POU2F2: variants seen among roughly 807,000 people sequenced by gnomAD.
The protein encoded by POU2F2 is POU domain, class 2, transcription factor 2.
In POU2F2, 14 loss-of-function variants were observed where a neutral mutation model predicts 63.5. That is an observed-to-expected ratio of 0.22 (90% CI 0.15 to 0.34). The LOEUF (loss-of-function observed/expected upper bound fraction) is 0.34, where lower values mean the gene tolerates loss of function less well. Ranked by LOEUF, POU2F2 falls within the 10% of genes least tolerant of loss-of-function variation. The pLI, the probability that POU2F2 is intolerant of heterozygous loss-of-function variation, is 1.00. For missense variants in POU2F2, 607 were observed against 815.2 expected (o/e 0.74, Z 3.11); for synonymous variants, 306 against 348.6 (o/e 0.88, Z 1.36).
At chr19:42,191,202 A>AC (rs749866434) in intron 1 of POU2F2, among the ~76,000 whole-genome samples, 19 of 151,202 alleles carry the variant, frequency 1.3e-4, no homozygotes, top group Middle Eastern at 3.2e-3. Context: ...GCATCATCGG[A>AC]CCCCCCCTTG....
chr19:42,185,360 T>G (rs906566320), intron 1 of POU2F2, among the ~76,000 whole-genome samples: 1 of 152,002 alleles, frequency 6.6e-6, no homozygotes, highest in Non-Finnish European at 1.5e-5. Flanking sequence ...GCTACTGGGG[T>G]AATGTTTCTA....
At chr19:42,194,758 CAAAAAAAAAAAA>C (rs71167389) in intron 1 of POU2F2, among the ~76,000 whole-genome samples, 6 of 21,732 alleles carry the variant, frequency 2.8e-4, no homozygotes, top group Non-Finnish European at 3.7e-4. Context: ...GACTCTGTCT[CAAAAAAAAAAAA>C]AAAAAAAAAA....
At chr19:42,181,884 C>T (rs905935498) in intron 1 of POU2F2, among the ~76,000 whole-genome samples, 2 of 152,206 alleles carry the variant, frequency 1.3e-5, no homozygotes, top group African/African-American at 4.8e-5. Flanking sequence ...ACACTCCCGG[C>T]CTTGAACATA....
At chr19:42,184,770 GCT>G (rs1341529870) in intron 1 of POU2F2, among the ~76,000 whole-genome samples, 1 of 152,132 alleles carries the variant, frequency 6.6e-6, no homozygotes, top group Non-Finnish European at 1.5e-5. Context: ...TGGTTCTCCA[GCT>G]CTGTCTGGGC....
At chr19:42,195,074 GA>G in intron 1 of POU2F2, among the ~76,000 whole-genome samples, 1 of 4,914 alleles carries the variant, frequency 2.0e-4, no homozygotes, top group Non-Finnish European at 3.7e-4. Flanking sequence ...AGGGAGGAAG[GA>G]AGGGAGGGAG....
chr19:42,096,268 G>A lies in POU2F2; in HGVS notation c.568-25C>T, dbSNP rs745656476. On this transcript the variant is annotated intron_variant, in intron 7 of 14. Transcript: ENST00000692977. The surrounding 1 kb of genome is among the most constrained non-coding windows in gnomAD (Gnocchi z 4.1). ...CCTGGTGGGGTGGGCAGGTGGGTGG[G>A]ATGCAGGGCGGAGGACCAGGATGGG... 25 of 1,516,792 alleles carry A rather than the reference G, an allele frequency of 1.6e-5. No individual in the cohort carries two copies. The highest frequency in any genetic ancestry group is 4.4e-6 in the Non-Finnish European group (5 of 1,129,380). The allele number at this position is 1,516,792 out of a possible 1,614,324, so 94.0% of individuals were successfully genotyped here.
At position 42,117,224 on chromosome 19, in the gene POU2F2, G is replaced by A. The variant is rs376587235; in HGVS notation, c.369+26C>T. On this transcript the variant is annotated intron_variant, in intron 5 of 14. Coordinates refer to ENST00000692977, the MANE Select transcript of POU2F2 (RefSeq NM_001394376.1). This position sits in a 1 kb window ranked among gnomAD's most constrained non-coding sequence, Gnocchi z 4.4. ...TGAGGGGTGGCTGGTTTGTCCCCTC[G>A]TCCCCATCCTTCCCCAAGTACTTAC... 1.9e-4 allele frequency: 269 copies of A among 1,453,248 alleles called. No individual in the cohort carries two copies. The highest frequency in any genetic ancestry group is 1.8e-3 in the Middle Eastern group (7 of 3,954). The allele number at this position is 1,453,248 out of a possible 1,614,324, so 90.0% of individuals were successfully genotyped here.
chr19:42,091,547 T>G lies in POU2F2; in HGVS notation c.1585A>C (p.Ser529Arg). 1 of 1,550,364 alleles carries G rather than the reference T, an allele frequency of 6.5e-7. No individual in the cohort carries two copies. The highest frequency in any genetic ancestry group is 1.2e-5 in the South Asian group (1 of 83,394). ...GCTGCCCCCAGCACCAGATTCCCGC[T>G]GCCATCAAGGCTGGTAAGGGGCAGG... ...GTLPLTSLDGSGNLVLGAAGA... is the reference protein window; with the variant it reads ...GTLPLTSLDGRGNLVLGAAGA... Residue 529 changes from serine to arginine, a missense_variant, in exon 15 of 15, where the codon AGC becomes CGC. Ser to Arg is a moderately radical substitution (Grantham distance 110). This residue lies in a region of POU2F2 where 270 missense variants were observed against 307.5 expected (regional missense o/e 0.88). Transcript: ENST00000692977.
rs1262671537 is a variant in POU2F2 at position 42,096,113 on chromosome 19, T to C, written c.698A>G (p.Lys233Arg). 2.5e-6 allele frequency: 4 copies of C among 1,613,830 alleles called. No individual in the cohort carries two copies. The highest frequency in any genetic ancestry group is 3.4e-6 in the Non-Finnish European group (4 of 1,179,856). The change falls in exon 8 of 15, where the codon AAG becomes AGG. Residue 233 changes from lysine (K) to arginine (R), a missense_variant. By Grantham distance (26) the Lys-to-Arg change is conservative. This residue lies in a region of POU2F2 where 25 missense variants were observed against 92.3 expected (regional missense o/e 0.27). Coordinates refer to ENST00000692977, the MANE Select transcript of POU2F2 (RefSeq NM_001394376.1). The surrounding 1 kb of genome is among the most constrained non-coding windows in gnomAD (Gnocchi z 4.1). ...GAAGCCCAGCTTGATGCGGCGTTGCTTGAAGGTGCGGGCGAATTGCTCCAG... is the reference window on the plus strand; with the variant it reads ...GAAGCCCAGCTTGATGCGGCGTTGCCTGAAGGTGCGGGCGAATTGCTCCAG... ...EELEQFARTF[K>R]QRRIKLGFTQ...
chr19:42,150,535 G>C (rs2034322061), intron 2 of POU2F2, among the ~76,000 whole-genome samples: 1 of 151,622 alleles, frequency 6.6e-6, no homozygotes, highest in Non-Finnish European at 1.5e-5. Context: ...CCAAGAAACT[G>C]GATCGATCGG....
Position 42,099,570 on chromosome 19 carries a change from C to G in POU2F2, c.524G>C (p.Gly175Ala). The G allele has an allele frequency of 6.2e-7, 1 of 1,614,056 alleles. No individual in the cohort carries two copies. Among genetic ancestry groups the G allele is most frequent in the Non-Finnish European group, 8.5e-7 (1 of 1,179,972 alleles). ...NLFQLPQQTQ[G>A]ALLTSQPRAG... is the part of the protein sequence containing the mutation. ...CCGGGGCTGGGAGGTCAGAAGAGCT[C>G]CCTGGGTTTGCTGAGGTAGCTGGAA... Residue 175 changes from glycine (G) to alanine (A), a missense_variant, in exon 7 of 15, where the codon GGA becomes GCA. Transcript: ENST00000692977.
At chr19:42,193,695 A>G (rs1410624738) in intron 1 of POU2F2, among the ~76,000 whole-genome samples, 1 of 152,270 alleles carries the variant, frequency 6.6e-6, no homozygotes. Context: ...AGCAGTTACA[A>G]GAAACAGTAT....
chr19:42,129,408 A>G (rs2033495400), intron 1 of POU2F2, among the ~76,000 whole-genome samples: 1 of 151,916 alleles, frequency 6.6e-6, no homozygotes, highest in Non-Finnish European at 1.5e-5. Context: ...CACTTGCCCG[A>G]CTGCCCCAGG....
chr19:42,120,367 C>T (rs963962775), intron 4 of POU2F2, among the ~76,000 whole-genome samples: 4 of 152,036 alleles, frequency 2.6e-5, no homozygotes, highest in Non-Finnish European at 4.4e-5. Flanking sequence ...ATTACAGGCA[C>T]TCACCACCAT....
intron 2 of POU2F2, among the ~76,000 whole-genome samples, chr19:42,142,559 ATTTGTT>A (rs1044621207): frequency 1.9e-4 from 28 of 145,538 alleles, no homozygotes; most frequent in African/African-American, 4.9e-4. Flanking sequence ...GGGGTTTTTT[ATTTGTT>A]TTTGTTTTTG....
intron 1 of POU2F2, among the ~76,000 whole-genome samples, chr19:42,182,240 A>AG: frequency 2.9e-5 from 2 of 68,478 alleles, no homozygotes; most frequent in Admixed American, 3.2e-4. Flanking sequence ...ACTCTGTCTC[A>AG]AAAGAGAGAG....
intron 2 of POU2F2, 22 bp downstream of exon 2, chr19:42,122,489 C>A: frequency 6.2e-7 from 1 of 1,611,154 alleles, no homozygotes; most frequent in Non-Finnish European, 8.5e-7. Context: ...GACCCCTGCC[C>A]CCCTGCTCCC....
rs1599901752 is a variant in POU2F2, at chr19:42,089,724, A to G, written c.*1533T>C. ...TTCTTTCCCTTTTATATATATATATATATATATGTTTATATATATATATAA... is the reference window on the plus strand; with the variant it reads ...TTCTTTCCCTTTTATATATATATATGTATATATGTTTATATATATATATAA... On this transcript the variant is annotated 3_prime_UTR_variant, in exon 15 of 15. Transcript: ENST00000692977. The G allele has an allele frequency of 6.8e-6, 1 of 147,478 alleles. No homozygotes were observed. Among genetic ancestry groups the G allele is most frequent in the Non-Finnish European group, 1.5e-5 (1 of 66,990 alleles). The allele number at this position is 147,478 out of a possible 1,614,324, so 9.1% of individuals were successfully genotyped here.
chr19:42,170,547 T>C (rs1201773307), intron 1 of POU2F2, among the ~76,000 whole-genome samples: 1 of 151,504 alleles, frequency 6.6e-6, no homozygotes, highest in Non-Finnish European at 1.5e-5. Flanking sequence ...ACAAGAAAGG[T>C]CCCTGAACAC....
Sources: allele counts gnomAD v4.1 joint callset (sites outside exome capture counted in the v4.1 genomes callset), GRCh38; gene constraint gnomAD v4.1.1; regional missense constraint gnomAD v4.1.1; non-coding constraint Gnocchi (gnomAD v3.1); transcripts MANE v1.5; gene names NCBI Gene and HGNC (gene_info 2026-07-23, HGNC 2026-07-21).